The following HSD17B12 variants were observed in gnomAD, a reference collection of about 807,000 sequenced individuals.
HSD17B12 encodes very-long-chain 3-oxoacyl-CoA reductase.
In HSD17B12, 32 loss-of-function variants were observed where a neutral mutation model predicts 39.3. The observed-to-expected ratio is 0.81, with a 90% CI of 0.61 to 1.09. HSD17B12 has a LOEUF of 1.09. Ranked by LOEUF, HSD17B12 falls within the 50% of genes least tolerant of loss-of-function variation. The pLI is 0.00. For missense variants in HSD17B12, 342 were observed against 382.9 expected (o/e 0.89, Z 0.89); for synonymous variants, 150 against 146.7 (o/e 1.02, Z -0.16).
the HSD17B12 span, among the ~76,000 whole-genome samples, chr11:43,614,155 G>T: frequency 1.0e-3 from 153 of 152,240 alleles, no homozygotes; most frequent in African/African-American, 3.6e-3. Context: ...GCTCCAAAGG[G>T]CTTCCTTGAG....
intron 6 of HSD17B12, among the ~76,000 whole-genome samples, chr11:43,822,077 C>A (rs1013187378): frequency 6.6e-6 from 1 of 152,146 alleles, no homozygotes; most frequent in African/African-American, 2.4e-5. Flanking sequence ...CTGCCTACAG[C>A]TGAATCTCTT....
At chr11:43,667,092 T>C in the HSD17B12 span, among the ~76,000 whole-genome samples, 1 of 152,130 alleles carries the variant, frequency 6.6e-6, no homozygotes, top group African/African-American at 2.4e-5. Flanking sequence ...AAGTAATAAA[T>C]TAAGAGAAAA....
intron 1 of HSD17B12, among the ~76,000 whole-genome samples, chr11:43,722,166 C>G (rs1022512386): frequency 6.6e-6 from 1 of 152,220 alleles, no homozygotes; most frequent in East Asian, 1.9e-4. Context: ...GGAGCAAGCT[C>G]GAAGTGGGAA....
At chr11:43,606,116 G>A in the HSD17B12 span, among the ~76,000 whole-genome samples, 1 of 152,190 alleles carries the variant, frequency 6.6e-6, no homozygotes, top group South Asian at 2.1e-4. Flanking sequence ...AAGGTAGAAG[G>A]GCCTGGTCTA....
chr11:43,779,423 T>G (rs746769812), intron 3 of HSD17B12, among the ~76,000 whole-genome samples: 3 of 152,216 alleles, frequency 2.0e-5, no homozygotes, highest in Non-Finnish European at 4.4e-5. Flanking sequence ...CTTACAACAT[T>G]GGTTTTATGC....
At chr11:43,612,173 T>C in the HSD17B12 span, among the ~76,000 whole-genome samples, 2 of 152,188 alleles carry the variant, frequency 1.3e-5, no homozygotes, top group African/African-American at 2.4e-5. Flanking sequence ...GGAAAGTACT[T>C]TGAAAGCTGT....
chr11:43,708,267 C>T (rs1950033398), intron 1 of HSD17B12, among the ~76,000 whole-genome samples: 2 of 152,110 alleles, frequency 1.3e-5, no homozygotes, highest in African/African-American at 2.4e-5. Flanking sequence ...AGAGGAATAA[C>T]AGTTTTATTC....
the HSD17B12 span, among the ~76,000 whole-genome samples, chr11:43,647,737 C>T: frequency 7.9e-5 from 12 of 152,022 alleles, no homozygotes; most frequent in African/African-American, 2.4e-4. Context: ...AAGTTTGGTA[C>T]GTTTGGTTTT....
intron 4 of HSD17B12, among the ~76,000 whole-genome samples, chr11:43,805,527 T>C (rs1046204641): frequency 2.0e-5 from 3 of 152,176 alleles, no homozygotes; most frequent in Non-Finnish European, 4.4e-5. Context: ...GTTAGAATTA[T>C]TATCCCCTAC....
At chr11:43,757,356 G>A (rs985504168) in intron 3 of HSD17B12, among the ~76,000 whole-genome samples, 20 of 152,068 alleles carry the variant, frequency 1.3e-4, no homozygotes, top group Non-Finnish European at 1.9e-4. Context: ...TAGGTAGGCC[G>A]GGCGCGGTGG....
chr11:43,629,389 A>G, the HSD17B12 span, among the ~76,000 whole-genome samples: 1 of 152,206 alleles, frequency 6.6e-6, no homozygotes, highest in Non-Finnish European at 1.5e-5. Flanking sequence ...CTGGTTCATT[A>G]TCTCTAAATT....
At chr11:43,711,046 G>A (rs1950060721) in intron 1 of HSD17B12, among the ~76,000 whole-genome samples, 1 of 152,204 alleles carries the variant, frequency 6.6e-6, no homozygotes, top group Non-Finnish European at 1.5e-5. Context: ...ACCCACCTTA[G>A]CTTCCCAAAG....
chr11:43,662,187 G>A, the HSD17B12 span, among the ~76,000 whole-genome samples: 3 of 140,642 alleles, frequency 2.1e-5, no homozygotes, highest in Non-Finnish European at 4.6e-5. Flanking sequence ...GTGACAGAGT[G>A]AGCCCACGTC....
At chr11:43,653,819 G>C in the HSD17B12 span, among the ~76,000 whole-genome samples, 1 of 152,092 alleles carries the variant, frequency 6.6e-6, no homozygotes, top group Non-Finnish European at 1.5e-5. Flanking sequence ...ATTTGGCTTG[G>C]TTCCAAGTCT....
intron 1 of HSD17B12, among the ~76,000 whole-genome samples, chr11:43,692,099 A>T (rs534103940): frequency 1.1e-3 from 167 of 152,284 alleles, no homozygotes; most frequent in African/African-American, 4.0e-3. Context: ...AGTCGTGTGT[A>T]TGTATATGTG....
the HSD17B12 span, among the ~76,000 whole-genome samples, chr11:43,588,610 C>CTATTATTATCATTATTAT: frequency 1.4e-5 from 2 of 144,974 alleles, no homozygotes; most frequent in Admixed American, 7.0e-5. Flanking sequence ...TTATTATTAG[C>CTATTATTATCATTATTAT]TATTATTATT....
chr11:43,704,766 G>A (rs185656409), intron 1 of HSD17B12, among the ~76,000 whole-genome samples: 24 of 152,318 alleles, frequency 1.6e-4, no homozygotes, highest in Non-Finnish European at 3.1e-4. Context: ...AGAAGAAAGG[G>A]TGTTATTATG....
At chr11:43,823,943 A>G (rs947704174) in intron 6 of HSD17B12, among the ~76,000 whole-genome samples, 12 of 152,184 alleles carry the variant, frequency 7.9e-5, no homozygotes, top group African/African-American at 2.7e-4. Context: ...GCGGAAGGTG[A>G]GTATCCTGGG....
chr11:43,575,295 A>AG, the HSD17B12 span, among the ~76,000 whole-genome samples: 1 of 152,218 alleles, frequency 6.6e-6, no homozygotes, highest in African/African-American at 2.4e-5. The surrounding 1 kb of genome is among the most constrained non-coding windows in gnomAD (Gnocchi z 4.1). Context: ...GAGGGAGAAA[A>AG]AGAGAGCAGG....
Sources: gnomAD v4.1 joint callset for allele counts (sites outside exome capture counted in the v4.1 genomes callset) on GRCh38, gnomAD v4.1.1 for gene constraint, Gnocchi (gnomAD v3.1) non-coding constraint, MANE v1.5 for transcripts, NCBI Gene and HGNC (gene_info 2026-07-23, HGNC 2026-07-21) for gene names.